Variants in TENM1 observed in about 807,000 individuals in gnomAD.
TENM1 encodes teneurin-1.
Under a neutral mutation model 174.8 loss-of-function variants are expected in TENM1, and 35 were observed. That is an observed-to-expected ratio of 0.20 (90% CI 0.15 to 0.27). The LOEUF (loss-of-function observed/expected upper bound fraction) is 0.27. Ranked by LOEUF, TENM1 falls within the 10% of genes least tolerant of loss-of-function variation. The pLI is 1.00. For missense variants in TENM1, 1,633 were observed against 2,130.1 expected (o/e 0.77, Z 4.59); for synonymous variants, 781 against 798.7 (o/e 0.98, Z 0.37).
intron 23 of TENM1, among the ~76,000 whole-genome samples, chrX:124,438,365 C>G (rs1484871047): frequency 1.8e-5 from 2 of 110,805 alleles, no homozygotes; most frequent in Non-Finnish European, 3.8e-5. Flanking sequence ...TAGAGAGATA[C>G]AGAAGTATCT....
intron 7 of TENM1, among the ~76,000 whole-genome samples, chrX:124,652,469 A>G (rs1569367206): frequency 8.9e-6 from 1 of 112,088 alleles, no homozygotes; most frequent in African/African-American, 3.2e-5. Context: ...GTAATTAAAA[A>G]TATTATAAAC....
At chrX:124,627,709 T>A (rs924758354) in intron 11 of TENM1, among the ~76,000 whole-genome samples, 3 of 112,213 alleles carry the variant, frequency 2.7e-5, no homozygotes, top group Non-Finnish European at 5.6e-5. Flanking sequence ...ACTCTAATCC[T>A]TACCAGTTTG....
chrX:124,452,691 T>C (rs1357918403), intron 23 of TENM1, among the ~76,000 whole-genome samples: 1 of 110,623 alleles, frequency 9.0e-6, no homozygotes, highest in Admixed American at 9.6e-5. Context: ...TATGCAGCCA[T>C]AAAAATGAGT....
At position 124,772,141 on chromosome X, in the gene TENM1, T is replaced by G. The variant is rs2054667610; in HGVS notation, c.536-34944A>C. Among the ~76,000 whole-genome samples the G allele has an allele frequency of 5.5e-5, 6 of 108,970 alleles. No homozygotes were observed. In the Admixed American group the frequency reaches 5.9e-4, roughly 11 times the overall value. The allele number at this position is 108,970 out of a possible 115,157, so 94.6% of individuals were successfully genotyped here. On this transcript the variant is annotated intron_variant, in intron 3 of 31. Coordinates refer to ENST00000422452, the Ensembl canonical transcript of TENM1. Reference sequence around the variant, plus strand: ...GAACCAAATCCCCTATATTCTTTCTTTTTTTTTTTCTTGAGACAGAGGCTT... The same window carrying G: ...GAACCAAATCCCCTATATTCTTTCTGTTTTTTTTTCTTGAGACAGAGGCTT...
chrX:124,757,299 G>T (rs373939995), intron 3 of TENM1, among the ~76,000 whole-genome samples: 65 of 112,697 alleles, frequency 5.8e-4, no homozygotes, highest in African/African-American at 1.3e-3. Context: ...CTCCAAGCCA[G>T]GTGCGGGATA....
At chrX:124,989,864 T>C in the TENM1 span, among the ~76,000 whole-genome samples, 2 of 111,906 alleles carry the variant, frequency 1.8e-5, no homozygotes, top group Non-Finnish European at 3.8e-5. Context: ...AAAACATTTG[T>C]TGAATAAATG....
At chrX:124,668,824 A>G (rs1178611964) in intron 6 of TENM1, among the ~76,000 whole-genome samples, 1 of 112,092 alleles carries the variant, frequency 8.9e-6, no homozygotes, top group Non-Finnish European at 1.9e-5. Context: ...CGTTGTGCAC[A>G]TGTACCCTAG....
the TENM1 span, among the ~76,000 whole-genome samples, chrX:125,060,390 G>A: frequency 2.7e-5 from 3 of 110,257 alleles, no homozygotes; most frequent in African/African-American, 9.9e-5. Context: ...CTACAATGAA[G>A]GTAAAGTAAT....
intron 22 of TENM1, among the ~76,000 whole-genome samples, chrX:124,463,910 T>C (rs1369413307): frequency 1.9e-5 from 2 of 106,200 alleles, no homozygotes; most frequent in Non-Finnish European, 1.9e-5. Flanking sequence ...GGTAAGTAGA[T>C]GGTGCTAGTT....
rs745471230 is a variant in TENM1, at chrX:124,825,158, CTTTTTTTT to C, written c.535+69130_535+69137del. Among the ~76,000 whole-genome samples the C allele has an allele frequency of 1.5e-4, 9 of 60,993 alleles. No individual in the cohort carries two copies. The South Asian group carries it at 8.5e-3, about 57-fold the overall frequency. The allele number at this position is 60,993 out of a possible 115,157, so 53.0% of individuals were successfully genotyped here. Reference sequence around the variant, plus strand: ...TCTTTTTCATACATAAGCTGACTTTCTTTTTTTTTTTTTTTTTTTTTTTTGACGGAGTC... The same window carrying C: ...TCTTTTTCATACATAAGCTGACTTTCTTTTTTTTTTTTTTTTGACGGAGTC... On this transcript the variant is annotated intron_variant, in intron 3 of 31. Transcript: ENST00000422452.
chrX:124,855,430 G>A (rs112038277), intron 3 of TENM1, among the ~76,000 whole-genome samples: 2,528 of 111,136 alleles, frequency 0.023, 62 homozygotes, highest in African/African-American at 0.078. Context: ...CTCCACCCAC[G>A]GCATTAATAA....
intron 3 of TENM1, among the ~76,000 whole-genome samples, chrX:124,831,496 GA>G (rs2056287421): frequency 8.9e-6 from 1 of 112,034 alleles, no homozygotes; most frequent in African/African-American, 3.2e-5. Flanking sequence ...GTTATGTAAG[GA>G]AATTCACTCA....
intron 3 of TENM1, among the ~76,000 whole-genome samples, chrX:124,752,503 C>G (rs1357357302): frequency 1.8e-5 from 2 of 111,457 alleles, no homozygotes; most frequent in Non-Finnish European, 1.9e-5. Flanking sequence ...TTAATGAGAT[C>G]CCATTTGTCA....
In TENM1 at chrX:124,566,914, C is replaced by T. The variant is rs186117093; in HGVS notation, c.2078-1354G>A. ...AACATATTGTCTTAATCTCTGTTTG[C>T]GTAAGAATGCAATAGAAGTAATAAT... On this transcript the variant is annotated intron_variant, in intron 11 of 31. Transcript: ENST00000422452. Among the ~76,000 whole-genome samples the T allele has an allele frequency of 1.4e-3, 152 of 111,604 alleles. 1 individual carries two copies. In the Admixed American group the frequency reaches 0.014, roughly 10 times the overall value.
At chrX:124,682,862 A>C (rs1442723926) in intron 5 of TENM1, among the ~76,000 whole-genome samples, 2 of 111,475 alleles carry the variant, frequency 1.8e-5, no homozygotes, top group Non-Finnish European at 3.8e-5. Flanking sequence ...ATAGGAAAAC[A>C]TGACACGATA....
chrX:124,531,189 C>G (rs1366584661), intron 15 of TENM1, among the ~76,000 whole-genome samples: 1 of 77,356 alleles, frequency 1.3e-5, no homozygotes, highest in East Asian at 4.4e-4. Context: ...GCAGCTCAAT[C>G]TTGGATTAAA....
chrX:125,014,335 A>T, the TENM1 span, among the ~76,000 whole-genome samples: 68 of 112,781 alleles, frequency 6.0e-4, no homozygotes, highest in Non-Finnish European at 9.6e-4. Flanking sequence ...ATTTGTATGT[A>T]GCCTGTCATC....
intron 3 of TENM1, among the ~76,000 whole-genome samples, chrX:124,878,985 A>T (rs192650788): frequency 9.8e-5 from 11 of 112,054 alleles, no homozygotes; most frequent in African/African-American, 3.2e-4. Context: ...TTATTTTTTT[A>T]AATGTTTTTA....
chrX:124,852,142 T>C (rs969784562), intron 3 of TENM1, among the ~76,000 whole-genome samples: 2 of 110,343 alleles, frequency 1.8e-5, no homozygotes, highest in African/African-American at 6.6e-5. Context: ...ACCTGTAGAG[T>C]TTTAAGATGT....
Sources: gnomAD v4.1 joint callset for allele counts (sites outside exome capture counted in the v4.1 genomes callset) on GRCh38, gnomAD v4.1.1 for gene constraint, MANE v1.5 for transcripts, NCBI Gene and HGNC (gene_info 2026-07-23, HGNC 2026-07-21) for gene names.